Variants in NOL4 observed in about 807,000 individuals in gnomAD.
The protein encoded by NOL4 is cancer/testis antigen 125.
NOL4 carries 17 observed loss-of-function variants against 75.9 expected under a neutral mutation model. The ratio of observed to expected loss-of-function variants is 0.22; its 90% CI spans 0.15 to 0.34. The LOEUF (loss-of-function observed/expected upper bound fraction) is 0.34, where lower values mean the gene tolerates loss of function less well. Among genes scored for constraint, NOL4 ranks in the 10% least tolerant of loss-of-function variants. NOL4 has a pLI of 1.00. For synonymous variants in NOL4, 292 were observed against 289.9 expected (o/e 1.01, Z -0.07); for missense variants, 614 against 793.5 (o/e 0.77, Z 2.72).
At chr18:34,127,271 G>A (rs2080430994) in intron 2 of NOL4, among the ~76,000 whole-genome samples, 1 of 151,984 alleles carries the variant, frequency 6.6e-6, no homozygotes, top group South Asian at 2.1e-4. Context: ...ATTTCCTGCA[G>A]AGTGAAAACA....
intron 10 of NOL4, among the ~76,000 whole-genome samples, chr18:33,862,540 C>T (rs959213444): frequency 6.6e-6 from 1 of 152,058 alleles, no homozygotes; most frequent in Admixed American, 6.6e-5. Flanking sequence ...GGGCTAATAT[C>T]CAGAATCTAC....
At chr18:34,025,902 T>A (rs2075316735) in intron 5 of NOL4, among the ~76,000 whole-genome samples, 1 of 152,154 alleles carries the variant, frequency 6.6e-6, no homozygotes, top group Admixed American at 6.6e-5. Context: ...GGTATTCTCC[T>A]AAACTCTCCT....
chr18:33,874,934 G>A (rs577340992), intron 10 of NOL4, among the ~76,000 whole-genome samples: 2 of 151,884 alleles, frequency 1.3e-5, no homozygotes, highest in East Asian at 3.9e-4. Flanking sequence ...TTAATGAAGA[G>A]CAAGGAAGCT....
intron 5 of NOL4, among the ~76,000 whole-genome samples, chr18:34,056,196 A>C (rs2076828130): frequency 1.3e-5 from 2 of 152,102 alleles, no homozygotes; most frequent in South Asian, 4.1e-4. Flanking sequence ...GTTTCTCTGC[A>C]TGCCTTGTGA....
intron 10 of NOL4, among the ~76,000 whole-genome samples, chr18:33,869,743 C>T (rs547958967): frequency 6.6e-6 from 1 of 151,974 alleles, no homozygotes; most frequent in Non-Finnish European, 1.5e-5. Flanking sequence ...AGTCAATAAG[C>T]CATGAAGGCA....
At chr18:33,893,890 T>C (rs2065242555) in intron 9 of NOL4, among the ~76,000 whole-genome samples, 1 of 152,104 alleles carries the variant, frequency 6.6e-6, no homozygotes, top group African/African-American at 2.4e-5. Flanking sequence ...TCTAAGAATA[T>C]TACCACTGTA....
intron 1 of NOL4, among the ~76,000 whole-genome samples, chr18:34,132,944 A>G (rs1449398271): frequency 6.6e-6 from 1 of 152,080 alleles, no homozygotes; most frequent in East Asian, 1.9e-4. Flanking sequence ...GTCAACAAGG[A>G]ATCTTATAGC....
chr18:34,140,584 A>C (rs914985979), intron 1 of NOL4, among the ~76,000 whole-genome samples: 29 of 152,104 alleles, frequency 1.9e-4, no homozygotes, highest in Admixed American at 1.3e-4. Context: ...TCTGCACATG[A>C]GATGGGTCTC....
At chr18:33,977,837 T>C (rs1475438367) in intron 6 of NOL4, among the ~76,000 whole-genome samples, 1 of 152,206 alleles carries the variant, frequency 6.6e-6, no homozygotes, top group East Asian at 1.9e-4. Context: ...AGTCTGGTTA[T>C]CATTCTCATG....
chr18:33,970,448 T>G (rs1362707389), intron 6 of NOL4, among the ~76,000 whole-genome samples: 1 of 152,164 alleles, frequency 6.6e-6, no homozygotes, highest in Non-Finnish European at 1.5e-5. Context: ...TATGCCAGTC[T>G]TTCATTATTT....
chr18:34,093,048 T>C (rs1159909971), intron 5 of NOL4, among the ~76,000 whole-genome samples: 2 of 152,206 alleles, frequency 1.3e-5, no homozygotes, highest in Non-Finnish European at 2.9e-5. Context: ...TGATTCTTAG[T>C]TGAAACTTGT....
chr18:34,048,366 A>G, intron 5 of NOL4: 1 of 774,658 alleles, frequency 1.3e-6, no homozygotes, highest in Non-Finnish European at 1.6e-6. Flanking sequence ...CTACTGCTTC[A>G]TGGGACAGTC....
In NOL4 at chr18:33,883,351, G is replaced by A. The variant is rs972609703; in HGVS notation, c.1616C>T (p.Pro539Leu). The change falls in exon 10 of 11, where the codon CCA (proline) becomes CTA (leucine). Residue 539 changes from proline (P) to leucine (L), a missense_variant. Pro to Leu is a moderately conservative substitution (Grantham distance 98). Around this residue, in one of 9 missense-constraint regions of NOL4, gnomAD observed 128 missense variants for 159.9 expected, o/e 0.80. Transcript: ENST00000261592. ...GATGTACAGCACGTCCTGTGAGCCT[G>A]GAACAGCTGATGTTGAGTAAGTGGC... ...TQATYSTSAV[P>L]GSQDVLYING... 6.2e-6 allele frequency: 10 copies of A among 1,613,198 alleles called. No individual in the cohort carries two copies. In the Admixed American group the frequency reaches 1.2e-4, roughly 19 times the overall value.
chr18:34,117,221 C>T (rs1218390348), intron 2 of NOL4, among the ~76,000 whole-genome samples: 4 of 152,190 alleles, frequency 2.6e-5, no homozygotes, highest in African/African-American at 9.7e-5. Context: ...CTATCATGAT[C>T]TCTGTGTAAC....
intron 8 of NOL4, among the ~76,000 whole-genome samples, chr18:33,951,648 T>C (rs1191383921): frequency 4.6e-5 from 7 of 152,162 alleles, no homozygotes; most frequent in African/African-American, 1.7e-4. Flanking sequence ...CATATTTAAC[T>C]TCTCTTTTCT....
At chr18:34,070,329 T>C (rs1328463451) in intron 5 of NOL4, among the ~76,000 whole-genome samples, 1 of 152,208 alleles carries the variant, frequency 6.6e-6, no homozygotes, top group South Asian at 2.1e-4. Context: ...CGCCTTGCCT[T>C]TTTTACACTA....
At position 34,105,112 on chromosome 18, in the gene NOL4, G is replaced by A. The variant is rs1236003804; in HGVS notation, c.463C>T (p.Leu155=). ...TTCTGGCACTCTGAGCAGCTCATTA[G>A]AAATCGTGTCACCGCTTCTCTTGGT... is the stretch of plus-strand genomic sequence containing the variant. ...FLPREAVTRF[L]MSCSECQKRM... Residue 155 remains leucine (L), a synonymous_variant, in exon 3 of 11, where the codon CTA becomes TTA. Transcript: ENST00000261592. The A allele has an allele frequency of 3.1e-6, 5 of 1,612,254 alleles. No homozygotes were observed. The highest frequency in any genetic ancestry group is 4.2e-6 in the Non-Finnish European group (5 of 1,178,716).
chr18:33,992,378 A>G (rs2072984154), intron 6 of NOL4, among the ~76,000 whole-genome samples: 2 of 152,032 alleles, frequency 1.3e-5, no homozygotes, highest in Non-Finnish European at 2.9e-5. Context: ...GACAGCATGA[A>G]GAGCTCTGTA....
chr18:33,887,709 G>A (rs1362469613), intron 9 of NOL4, among the ~76,000 whole-genome samples: 2 of 151,940 alleles, frequency 1.3e-5, no homozygotes, highest in East Asian at 3.9e-4. Context: ...TGAGAATGAT[G>A]GTTTCCAGCT....
Sources: allele counts gnomAD v4.1 joint callset (sites outside exome capture counted in the v4.1 genomes callset), GRCh38; gene constraint gnomAD v4.1.1; regional missense constraint gnomAD v4.1.1; transcripts MANE v1.5; gene names NCBI Gene and HGNC (gene_info 2026-07-23, HGNC 2026-07-21).